Variants in SFT2D1 observed in about 807,000 individuals in gnomAD.
SFT2D1 encodes vesicle transport protein SFT2A.
SFT2D1 carries 24 observed loss-of-function variants against 28.1 expected under a neutral mutation model. That is an observed-to-expected ratio of 0.85 (90% CI 0.62 to 1.20). The LOEUF (loss-of-function observed/expected upper bound fraction) is 1.20. SFT2D1 is among the 50% of genes most tolerant of loss of function. The pLI, the probability that SFT2D1 is intolerant of heterozygous loss-of-function variation, is 0.00. For synonymous variants in SFT2D1, 82 were observed against 73.7 expected (o/e 1.11, Z -0.58); for missense variants, 181 against 190.9 (o/e 0.95, Z 0.31).
chr6:166,327,946 T>C (rs1350626815), intron 4 of SFT2D1, among the ~76,000 whole-genome samples: 1 of 152,046 alleles, frequency 6.6e-6, no homozygotes, highest in Non-Finnish European at 1.5e-5. Context: ...TACAGGTGCA[T>C]GCCACCTCAC....
chr6:166,342,362 A>G (rs901755906), intron 1 of SFT2D1, 57 bp downstream of exon 1: 12 of 1,496,572 alleles, frequency 8.0e-6, no homozygotes, highest in East Asian at 5.0e-5. Context: ...GCCGGTCCTC[A>G]GTGCGGCCGG....
At chr6:166,342,126 G>A (rs1329487135) in intron 1 of SFT2D1, among the ~76,000 whole-genome samples, 1 of 152,154 alleles carries the variant, frequency 6.6e-6, no homozygotes, top group African/African-American at 2.4e-5. Flanking sequence ...ATAGTACGTG[G>A]GAGCGATGGA....
chr6:166,329,453 A>G, intron 3 of SFT2D1, 54 bp downstream of exon 3: 1 of 1,495,822 alleles, frequency 6.7e-7, no homozygotes, highest in Non-Finnish European at 9.2e-7. Context: ...TGCTTATTAG[A>G]AAGGTAAATT....
At position 166,329,607 on chromosome 6, in the gene SFT2D1, A is replaced by G. The variant is rs1778513064; in HGVS notation, c.151-18T>C. On this transcript the variant is annotated intron_variant, in intron 2 of 7. Coordinates refer to ENST00000361731, the MANE Select transcript of SFT2D1 (RefSeq NM_145169.3). ...CCAGTTCCCTAAGTTAAGATATTAT[A>G]GTTATTTTAAAATAATTTTATGATT... is the stretch of plus-strand genomic sequence containing the variant. 1.9e-6 allele frequency: 3 copies of G among 1,557,922 alleles called. No homozygotes were observed. The Middle Eastern group carries it at 5.1e-4, about 267-fold the overall frequency.
At chr6:166,321,308 T>A (rs903913424) in intron 7 of SFT2D1, among the ~76,000 whole-genome samples, 6 of 152,212 alleles carry the variant, frequency 3.9e-5, no homozygotes, top group African/African-American at 1.4e-4. Flanking sequence ...AGGCAAAATC[T>A]GTACATTGCT....
At chr6:166,336,305 G>A (rs1778650036) in intron 1 of SFT2D1, among the ~76,000 whole-genome samples, 1 of 152,028 alleles carries the variant, frequency 6.6e-6, no homozygotes, top group Admixed American at 6.6e-5. Flanking sequence ...CCACCAAAGG[G>A]GATCACCCAA....
intron 1 of SFT2D1, chr6:166,331,485 A>C (rs1222905146): frequency 1.3e-5 from 2 of 152,658 alleles, no homozygotes; most frequent in Non-Finnish European, 2.9e-5. Context: ...ACACATTTTA[A>C]ATGTTTTTTA....
chr6:166,338,916 A>T (rs1288886486), intron 1 of SFT2D1, among the ~76,000 whole-genome samples: 1 of 152,096 alleles, frequency 6.6e-6, no homozygotes, highest in Non-Finnish European at 1.5e-5. Context: ...CCTGCATAGG[A>T]GGATGATGCA....
intron 1 of SFT2D1, among the ~76,000 whole-genome samples, chr6:166,333,593 C>G (rs563299555): frequency 6.6e-6 from 1 of 152,186 alleles, no homozygotes; most frequent in South Asian, 2.1e-4. Flanking sequence ...CTGCCTCCAC[C>G]TGGTAAAATC....
chr6:166,340,571 T>C (rs1778758278), intron 1 of SFT2D1, among the ~76,000 whole-genome samples: 1 of 152,184 alleles, frequency 6.6e-6, no homozygotes, highest in South Asian at 2.1e-4. Flanking sequence ...GAGGCTTTTA[T>C]TCACAGGATG....
At chr6:166,323,161 A>G (rs1778387578) in intron 6 of SFT2D1, 1 of 337,448 alleles carries the variant, frequency 3.0e-6, no homozygotes, top group African/African-American at 2.1e-5. Flanking sequence ...TGCATGCTAA[A>G]GTTTGAGCTT....
At chr6:166,341,439 G>C (rs1778779427) in intron 1 of SFT2D1, among the ~76,000 whole-genome samples, 1 of 128,064 alleles carries the variant, frequency 7.8e-6, no homozygotes, top group African/African-American at 3.0e-5. Flanking sequence ...GACAAAGCAA[G>C]ACTCCATCTA....
rs775084098 is a variant in SFT2D1 at position 166,322,870 on chromosome 6, T to G, written c.427A>C (p.Ile143Leu). 1.9e-6 allele frequency: 3 copies of G among 1,612,246 alleles called. No individual in the cohort carries two copies. The highest frequency in any genetic ancestry group is 2.7e-5 in the African/African-American group (2 of 75,016). ...LSMTWYSLSY[I>L]PYARDAVIKC... ...AAACAAGCTTACCTTGCATATGGGA[T>G]GTACGACAGGCTATACCTGCAAGAA... The change falls in exon 7 of 8, where the codon ATC becomes CTC. Residue 143 changes from isoleucine to leucine, a missense_variant. By Grantham distance (5) the Ile-to-Leu change is conservative. Transcript: ENST00000361731.
chr6:166,324,257 C>T, intron 6 of SFT2D1: 1 of 327,358 alleles, frequency 3.1e-6, no homozygotes. Context: ...ATGGCATCAC[C>T]TACTTTTCTT....
intron 1 of SFT2D1, among the ~76,000 whole-genome samples, chr6:166,336,159 G>A (rs966140823): frequency 5.3e-5 from 8 of 152,200 alleles, no homozygotes; most frequent in Non-Finnish European, 8.8e-5. Context: ...CCCCAAGAGT[G>A]TGAAGTCAGA....
intron 5 of SFT2D1, among the ~76,000 whole-genome samples, chr6:166,325,444 C>A (rs527406333): frequency 3.9e-5 from 6 of 152,148 alleles, no homozygotes; most frequent in Non-Finnish European, 5.9e-5. Flanking sequence ...AAGAAGTAAA[C>A]GGAATTGTAA....
rs775172453 is a variant in SFT2D1 at position 166,342,486 on chromosome 6, C to T, written c.-5G>A. On this transcript the variant is annotated 5_prime_UTR_variant, in exon 1 of 8. Transcript: ENST00000361731. The stretch of plus-strand genomic sequence containing the variant: ...GACTCGCCGCAGCTTCTCCATGGCC[C>T]TGTTACAGGGCCGTAGCGGCCGCCA... The T allele has an allele frequency of 1.3e-6, 2 of 1,550,384 alleles. No homozygotes were observed. Among genetic ancestry groups the T allele is most frequent in the Non-Finnish European group, 1.7e-6 (2 of 1,147,560 alleles).
intron 4 of SFT2D1, among the ~76,000 whole-genome samples, chr6:166,328,058 A>G (rs1778483258): frequency 6.6e-6 from 1 of 152,112 alleles, no homozygotes; most frequent in African/African-American, 2.4e-5. Flanking sequence ...TTGGCCCCCC[A>G]AAGTGCTGGG....
chr6:166,329,305 G>A (rs559057683), intron 3 of SFT2D1, among the ~76,000 whole-genome samples: 24 of 152,324 alleles, frequency 1.6e-4, no homozygotes, highest in African/African-American at 5.5e-4. Context: ...CACAAAGGCT[G>A]GCTATTCCTA....
Sources: allele counts gnomAD v4.1 joint callset (sites outside exome capture counted in the v4.1 genomes callset), GRCh38; gene constraint gnomAD v4.1.1; transcripts MANE v1.5; gene names NCBI Gene and HGNC (gene_info 2026-07-23, HGNC 2026-07-21).